Variants in PGS1 observed in about 807,000 individuals in gnomAD.
The protein encoded by PGS1 is CDP-diacylglycerol--glycerol-3-phosphate 3-phosphatidyltransferase, mitochondrial.
A neutral mutation model predicts 58.3 loss-of-function variants in PGS1; 44 were observed. The ratio of observed to expected loss-of-function variants is 0.75; its 90% CI spans 0.59 to 0.97. PGS1 has a LOEUF of 0.97. Among genes scored for constraint, PGS1 ranks in the 50% least tolerant of loss-of-function variants. The pLI, the probability that PGS1 is intolerant of heterozygous loss-of-function variation, is 0.00. For missense variants in PGS1, 684 were observed against 731.1 expected (o/e 0.94, Z 0.74); for synonymous variants, 330 against 311.0 (o/e 1.06, Z -0.64).
chr17:78,384,216 C>T (rs1171388130), intron 1 of PGS1, among the ~76,000 whole-genome samples: 3 of 152,162 alleles, frequency 2.0e-5, no homozygotes, highest in Non-Finnish European at 2.9e-5. Context: ...CCTCTCGTGC[C>T]GGACTTGTTA....
intron 8 of PGS1, among the ~76,000 whole-genome samples, chr17:78,418,438 G>A (rs938368439): frequency 4.6e-5 from 7 of 152,116 alleles, no homozygotes; most frequent in Non-Finnish European, 1.0e-4. Flanking sequence ...TGTGTATTTC[G>A]TGTCCAGCTT....
intron 3 of PGS1, chr17:78,397,979 C>T: frequency 1.8e-6 from 1 of 544,350 alleles, no homozygotes; most frequent in Non-Finnish European, 3.5e-6. Context: ...TCCAGGGTGG[C>T]ACGGGCTGGC....
chr17:78,388,264 C>G (rs1183540914), intron 1 of PGS1, among the ~76,000 whole-genome samples: 2 of 152,190 alleles, frequency 1.3e-5, no homozygotes, highest in Non-Finnish European at 2.9e-5. Flanking sequence ...CAGCCCTGTA[C>G]CTGCCAAAGT....
At chr17:78,411,222 A>G (rs938347) in intron 7 of PGS1, among the ~76,000 whole-genome samples, 150,157 of 152,270 alleles carry the variant, frequency 0.99, 74,065 homozygotes, top group East Asian at 1. Flanking sequence ...CAGCAGGGGC[A>G]CTGGGAGTGG....
At chr17:78,413,096 C>T (rs554864502) in intron 7 of PGS1, among the ~76,000 whole-genome samples, 12 of 152,218 alleles carry the variant, frequency 7.9e-5, no homozygotes, top group African/African-American at 2.7e-4. Flanking sequence ...CCTGCACGGC[C>T]AGTGGCCCAG....
At chr17:78,423,070 C>T (rs1220365654) in intron 9 of PGS1, among the ~76,000 whole-genome samples, 2 of 151,212 alleles carry the variant, frequency 1.3e-5, no homozygotes, top group African/African-American at 4.9e-5. Context: ...TGCACTCCAG[C>T]CTGGGCGACA....
chr17:78,406,846 G>A (rs749263298), intron 7 of PGS1, among the ~76,000 whole-genome samples: 1 of 152,226 alleles, frequency 6.6e-6, no homozygotes, highest in Non-Finnish European at 1.5e-5. Flanking sequence ...GTGCTGGAAC[G>A]ATGAGGAGGC....
In PGS1 at chr17:78,415,092, G is replaced by A. The variant is rs372379528; in HGVS notation, c.1551+65G>A. ...TGTGGCTGGGGGCCCAGGCTCACCC[G>A]TGCTGTGGGGCTGCCCTGAGAGCTG... On this transcript the variant is annotated intron_variant, in intron 8 of 9. Coordinates refer to ENST00000262764, the MANE Select transcript of PGS1 (RefSeq NM_024419.5). The A allele has an allele frequency of 2.5e-5, 39 of 1,575,724 alleles. 3 individuals carry two copies. The South Asian group carries it at 2.9e-4, about 12-fold the overall frequency.
At position 78,422,481 on chromosome 17, in the gene PGS1, T is replaced by C. The variant is rs187885648; in HGVS notation, c.*11-1580T>C. On this transcript the variant is annotated intron_variant, in intron 9 of 9. Transcript: ENST00000262764. ...TGATCAAGCTGAACGTAGAACGATA[T>C]TCCTAATGGGTGTGTTTGCCTTTTT... Among the ~76,000 whole-genome samples the C allele has an allele frequency of 2.1e-4, 26 of 125,290 alleles. No individual in the cohort carries two copies. In the East Asian group the frequency reaches 5.2e-3, roughly 25 times the overall value. The allele number at this position is 125,290 out of a possible 152,430, so 82.2% of individuals were successfully genotyped here.
At chr17:78,394,431 C>T (rs1408353490) in intron 2 of PGS1, among the ~76,000 whole-genome samples, 1 of 152,138 alleles carries the variant, frequency 6.6e-6, no homozygotes, top group South Asian at 2.1e-4. Flanking sequence ...TTTGTTCTCC[C>T]CTCTCACCTG....
intron 1 of PGS1, among the ~76,000 whole-genome samples, chr17:78,389,007 G>T (rs1385603896): frequency 6.8e-6 from 1 of 147,938 alleles, no homozygotes; most frequent in Non-Finnish European, 1.5e-5. Flanking sequence ...AGTTGAACTT[G>T]CCCTCTCCTG....
chr17:78,385,102 G>C (rs1250889265), intron 1 of PGS1, among the ~76,000 whole-genome samples: 1 of 152,168 alleles, frequency 6.6e-6, no homozygotes, highest in Non-Finnish European at 1.5e-5. Flanking sequence ...AATGCCTTCT[G>C]TTTTCCCCAG....
chr17:78,382,118 G>A (rs370893033), intron 1 of PGS1, among the ~76,000 whole-genome samples: 10 of 152,154 alleles, frequency 6.6e-5, no homozygotes, highest in East Asian at 1.9e-4. Flanking sequence ...GTGAAGAAGA[G>A]GGGGAGTGGA....
intron 9 of PGS1, 186 bp downstream of exon 9, chr17:78,419,861 C>T: frequency 1.5e-6 from 2 of 1,354,888 alleles, no homozygotes; most frequent in Non-Finnish European, 1.9e-6. Flanking sequence ...CTAAATTAGG[C>T]AGTCTGTTCA....
intron 2 of PGS1, among the ~76,000 whole-genome samples, chr17:78,395,991 C>T (rs931745855): frequency 1.1e-4 from 16 of 152,244 alleles, no homozygotes; most frequent in African/African-American, 3.1e-4. Flanking sequence ...CTGCCTGCCT[C>T]GGCCTCCGAA....
intron 1 of PGS1, among the ~76,000 whole-genome samples, chr17:78,385,158 G>T (rs1035670370): frequency 6.6e-6 from 1 of 152,118 alleles, no homozygotes; most frequent in Non-Finnish European, 1.5e-5. Context: ...TTGCTCTGTC[G>T]CCCAGGCTGG....
intron 8 of PGS1, among the ~76,000 whole-genome samples, chr17:78,418,491 T>A (rs921675391): frequency 3.9e-5 from 6 of 152,160 alleles, no homozygotes; most frequent in Non-Finnish European, 5.9e-5. Flanking sequence ...TATGATTAGG[T>A]CAACACTCTT....
chr17:78,394,633 A>G (rs1598286544), intron 2 of PGS1, among the ~76,000 whole-genome samples: 1 of 150,522 alleles, frequency 6.6e-6, no homozygotes, highest in South Asian at 2.1e-4. Flanking sequence ...TCGGCTCATC[A>G]CAACCTCTGC....
intron 3 of PGS1, among the ~76,000 whole-genome samples, chr17:78,397,334 C>T (rs907642683): frequency 3.3e-5 from 5 of 152,170 alleles, no homozygotes; most frequent in African/African-American, 1.2e-4. Flanking sequence ...CTTGGTCTGT[C>T]CTTGTTCAGA....
Sources: gnomAD v4.1 joint callset for allele counts (sites outside exome capture counted in the v4.1 genomes callset) on GRCh38, gnomAD v4.1.1 for gene constraint, MANE v1.5 for transcripts, NCBI Gene and HGNC (gene_info 2026-07-23, HGNC 2026-07-21) for gene names.